B4GALT6: variants seen among roughly 807,000 people sequenced by gnomAD.
The protein encoded by B4GALT6 is UDP-Gal:beta-GlcNAc beta-1,4-galactosyltransferase 6.
In B4GALT6, 14 loss-of-function variants were observed where a neutral mutation model predicts 46.3. The ratio of observed to expected loss-of-function variants is 0.30; its 90% CI spans 0.20 to 0.47. The LOEUF (loss-of-function observed/expected upper bound fraction) is 0.47, where lower values mean the gene tolerates loss of function less well. B4GALT6 is among the 20% of genes least tolerant of loss of function. The pLI is 0.99. For missense variants in B4GALT6, 386 were observed against 480.1 expected, an observed-to-expected ratio of 0.80 and a Z score of 1.83; for synonymous variants, 168 against 162.0, an observed-to-expected ratio of 1.04 and a Z score of -0.28.
chr18:31,711,855 C>T, the B4GALT6 span, among the ~76,000 whole-genome samples: 4 of 152,164 alleles, frequency 2.6e-5, no homozygotes, highest in Non-Finnish European at 5.9e-5. Context: ...CTTTCAAACA[C>T]TATTGCAAAA....
intron 6 of B4GALT6, among the ~76,000 whole-genome samples, chr18:31,629,884 G>T (rs2073759709): frequency 6.7e-6 from 1 of 150,370 alleles, no homozygotes; most frequent in African/African-American, 2.4e-5. Context: ...GAACCAGATT[G>T]TGAACCTTGA....
the B4GALT6 span, among the ~76,000 whole-genome samples, chr18:31,701,273 G>A: frequency 6.6e-6 from 1 of 152,146 alleles, no homozygotes; most frequent in Non-Finnish European, 1.5e-5. Context: ...TGTAAAGTGT[G>A]TAGCACCTCC....
At chr18:31,662,302 C>G (rs776685287) in intron 2 of B4GALT6, among the ~76,000 whole-genome samples, 13 of 152,152 alleles carry the variant, frequency 8.5e-5, no homozygotes, top group African/African-American at 3.1e-4. Flanking sequence ...TAGAGAAACA[C>G]CTCCACACTC....
At chr18:31,678,457 A>G (rs1418034481) in intron 1 of B4GALT6, among the ~76,000 whole-genome samples, 1 of 126,164 alleles carries the variant, frequency 7.9e-6, no homozygotes, top group Non-Finnish European at 1.9e-5. Flanking sequence ...TGAAGAAAAG[A>G]GAGCTTGTAT....
the B4GALT6 span, among the ~76,000 whole-genome samples, chr18:31,703,223 CA>C: frequency 6.6e-6 from 1 of 152,058 alleles, no homozygotes; most frequent in East Asian, 1.9e-4. Flanking sequence ...GGGGAAAAAA[CA>C]ATTCTTTCTT....
the B4GALT6 span, among the ~76,000 whole-genome samples, chr18:31,712,287 A>ACTTTTTTT: frequency 8.5e-4 from 72 of 84,626 alleles, 8 homozygotes; most frequent in African/African-American, 3.4e-3. Context: ...CTGGGACGTT[A>ACTTTTTTT]TTTTTTTTTT....
At chr18:31,689,033 G>A (rs183007824), upstream of B4GALT6, among the ~76,000 whole-genome samples, 2 of 152,188 alleles carry the variant, frequency 1.3e-5, no homozygotes, top group Admixed American at 1.3e-4. Flanking sequence ...GTACTACATG[G>A]TACACTGACA....
chr18:31,710,446 G>A, the B4GALT6 span, among the ~76,000 whole-genome samples: 5 of 152,130 alleles, frequency 3.3e-5, no homozygotes, highest in Non-Finnish European at 5.9e-5. Context: ...GATGTAATCT[G>A]CAATTTAGAG....
intron 3 of B4GALT6, among the ~76,000 whole-genome samples, chr18:31,652,578 G>C (rs2074085247): frequency 6.6e-6 from 1 of 152,110 alleles, no homozygotes; most frequent in South Asian, 2.1e-4. Flanking sequence ...TCTTACTAAA[G>C]GCAGACCCCA....
the B4GALT6 span, among the ~76,000 whole-genome samples, chr18:31,722,132 A>G: frequency 0.028 from 4,187 of 152,248 alleles, 215 homozygotes; most frequent in African/African-American, 0.097. Flanking sequence ...TGGTATACAC[A>G]TAGCTAGAAT....
At chr18:31,711,042 C>T in the B4GALT6 span, among the ~76,000 whole-genome samples, 5 of 152,332 alleles carry the variant, frequency 3.3e-5, no homozygotes, top group Non-Finnish European at 7.3e-5. Context: ...CTGCAATCTA[C>T]AGGCACTCTG....
the B4GALT6 span, among the ~76,000 whole-genome samples, chr18:31,692,695 A>G: frequency 1.3e-5 from 2 of 152,234 alleles, no homozygotes; most frequent in Non-Finnish European, 2.9e-5. Context: ...GCTAACGCAT[A>G]TGGATGAGAA....
At chr18:31,649,605 A>G (rs2074038410) in intron 3 of B4GALT6, among the ~76,000 whole-genome samples, 1 of 151,592 alleles carries the variant, frequency 6.6e-6, no homozygotes, top group Non-Finnish European at 1.5e-5. Flanking sequence ...TGAGCAAAAG[A>G]TACTAACTTC....
At chr18:31,699,362 T>A in the B4GALT6 span, among the ~76,000 whole-genome samples, 1 of 150,466 alleles carries the variant, frequency 6.6e-6, no homozygotes, top group Non-Finnish European at 1.5e-5. Context: ...AACCTCCACC[T>A]CCTGGGTTCA....
chr18:31,680,027 T>G (rs1267799032), intron 1 of B4GALT6, among the ~76,000 whole-genome samples: 5 of 152,152 alleles, frequency 3.3e-5, no homozygotes, highest in African/African-American at 1.2e-4. Flanking sequence ...TTCTGACATT[T>G]CCTGTTACTC....
chr18:31,712,808 A>C, the B4GALT6 span, among the ~76,000 whole-genome samples: 1 of 152,176 alleles, frequency 6.6e-6, no homozygotes, highest in Admixed American at 6.5e-5. Context: ...TCCAATTCCA[A>C]ATTAAGAATG....
chr18:31,712,847 A>T, the B4GALT6 span, among the ~76,000 whole-genome samples: 307 of 152,324 alleles, frequency 2.0e-3, 1 homozygote, highest in African/African-American at 7.3e-3. Flanking sequence ...CATCTTGACA[A>T]GCTCAAAATG....
intron 3 of B4GALT6, among the ~76,000 whole-genome samples, chr18:31,651,793 T>C (rs992400701): frequency 4.6e-5 from 7 of 152,196 alleles, no homozygotes; most frequent in South Asian, 2.1e-4. Context: ...TTTTTTGAGA[T>C]GGAGTCTCCC....
intron 5 of B4GALT6, among the ~76,000 whole-genome samples, chr18:31,634,423 C>T (rs1318351970): frequency 6.6e-6 from 1 of 152,230 alleles, no homozygotes; most frequent in East Asian, 1.9e-4. Context: ...TGTGACAGCA[C>T]TGAGACAGAG....
Sources: allele counts gnomAD v4.1 joint callset (sites outside exome capture counted in the v4.1 genomes callset), GRCh38; gene constraint gnomAD v4.1.1; transcripts MANE v1.5; gene names NCBI Gene and HGNC (gene_info 2026-07-23, HGNC 2026-07-21).